NMT2: variants seen among roughly 807,000 people sequenced by gnomAD.
NMT2 encodes the protein N-myristoyltransferase 2, also known as glycylpeptide N-tetradecanoyltransferase 2.
A neutral mutation model predicts 65.4 loss-of-function variants in NMT2; 35 were observed. That is an observed-to-expected ratio of 0.54 (90% CI 0.41 to 0.71). NMT2 has a LOEUF of 0.71. Among genes scored for constraint, NMT2 ranks in the 30% least tolerant of loss-of-function variants. The probability of loss-of-function intolerance (pLI) is 0.00; values close to 1 mark genes in which losing one functional copy is unlikely to be tolerated. For synonymous variants in NMT2, 226 were observed against 231.8 expected, an observed-to-expected ratio of 0.98 and a Z score of 0.23; for missense variants, 489 against 611.3, an observed-to-expected ratio of 0.80 and a Z score of 2.11.
chr10:15,137,787 A>T (rs940908156), intron 2 of NMT2, among the ~76,000 whole-genome samples: 3 of 152,086 alleles, frequency 2.0e-5, no homozygotes, highest in Non-Finnish European at 4.4e-5. Context: ...GTAATATATC[A>T]AACTCAAACT....
At chr10:15,123,399 C>T (rs369466442) in intron 8 of NMT2, among the ~76,000 whole-genome samples, 34 of 151,820 alleles carry the variant, frequency 2.2e-4, no homozygotes, top group African/African-American at 8.0e-4. Flanking sequence ...TGTGGTGGCA[C>T]GTGGCTGTAG....
At chr10:15,117,329 C>T (rs1845777615) in intron 9 of NMT2, among the ~76,000 whole-genome samples, 1 of 152,254 alleles carries the variant, frequency 6.6e-6, no homozygotes, top group South Asian at 2.1e-4. Flanking sequence ...AGAAGCAGCA[C>T]TGGAAAAAAT....
At position 15,106,663 on chromosome 10, in the gene NMT2, C is replaced by G. The variant is rs1845312934; in HGVS notation, c.*2532G>C. ...ACGGCAACCTATAGAAAGGAGAGTT[C>G]CAACTCCTTCGTAGTGACCAAGGTC... On this transcript the variant is annotated 3_prime_UTR_variant, in exon 12 of 12. Transcript: ENST00000378165. 1.0e-6 allele frequency: 1 copy of G among 985,228 alleles called. No homozygotes were observed. Among genetic ancestry groups the G allele is most frequent in the Non-Finnish European group, 1.2e-6 (1 of 829,786 alleles). 61.0% of individuals were successfully genotyped at this position (985,228 alleles called of 1,614,324 possible). A position where few individuals can be genotyped will look rare whatever the true frequency, so the allele number is the denominator to read the frequency against.
chr10:15,144,159 G>C (rs905113923), intron 1 of NMT2, among the ~76,000 whole-genome samples: 1 of 152,004 alleles, frequency 6.6e-6, no homozygotes, highest in Admixed American at 6.5e-5. Flanking sequence ...CACCATTTTT[G>C]TTTACTCTAG....
chr10:15,113,532 C>T (rs1253700151), intron 9 of NMT2, among the ~76,000 whole-genome samples: 1 of 150,252 alleles, frequency 6.7e-6, no homozygotes, highest in African/African-American at 2.5e-5. Flanking sequence ...GAAAGCTTCC[C>T]TCAGGCTGAC....
In NMT2 at chr10:15,118,319, C is replaced by G. The variant is rs141542943; in HGVS notation, c.1170+1024G>C. The stretch of plus-strand genomic sequence containing the variant: ...TTGGGAGGCCAAGGCAGGTGAATCA[C>G]CTGAGGTCAGGAGTTCAAGACCAAG... On this transcript the variant is annotated intron_variant, in intron 9 of 11. Coordinates refer to ENST00000378165, the MANE Select transcript of NMT2 (RefSeq NM_004808.3). 4.5e-4 allele frequency among the ~76,000 whole-genome samples: 69 copies of G among 152,302 alleles called. 1 individual carries two copies. The East Asian group carries it at 9.5e-3, about 21-fold the overall frequency.
intron 9 of NMT2, among the ~76,000 whole-genome samples, chr10:15,118,652 CAGATTGATG>C (rs1176832098): frequency 1.3e-5 from 2 of 149,674 alleles, no homozygotes; most frequent in African/African-American, 4.9e-5. Context: ...ACATGGCTAA[CAGATTGATG>C]AGATACTCAA....
At chr10:15,140,505 CT>C (rs1479333058) in intron 2 of NMT2, among the ~76,000 whole-genome samples, 2 of 151,916 alleles carry the variant, frequency 1.3e-5, no homozygotes, top group African/African-American at 4.8e-5. Context: ...CCTTTTCTTT[CT>C]TTTCTTTCTT....
intron 6 of NMT2, among the ~76,000 whole-genome samples, chr10:15,130,703 C>CAAAAAAAAAAAAAAAAAAAAAAAAAAA (rs974360507): frequency 7.0e-5 from 2 of 28,636 alleles, no homozygotes; most frequent in Non-Finnish European, 1.3e-4. Flanking sequence ...GGCCCTGTCT[C>CAAAAAAAAAAAAAAAAAAAAAAAAAAA]AAAAAAAAAA....
At chr10:15,129,688 C>T (rs1846207055) in intron 7 of NMT2, among the ~76,000 whole-genome samples, 1 of 151,788 alleles carries the variant, frequency 6.6e-6, no homozygotes, top group Non-Finnish European at 1.5e-5. Context: ...AGTATAGATC[C>T]ACACGAGGTC....
intron 1 of NMT2, among the ~76,000 whole-genome samples, 170 bp from the exon 2 acceptor site, chr10:15,141,727 A>C (rs1564579533): frequency 6.6e-6 from 1 of 152,234 alleles, no homozygotes; most frequent in Non-Finnish European, 1.5e-5. Context: ...AGACGGTAAC[A>C]GGCAATGCAG....
At chr10:15,137,583 T>A (rs1414897636) in intron 2 of NMT2, among the ~76,000 whole-genome samples, 2 of 152,156 alleles carry the variant, frequency 1.3e-5, no homozygotes, top group East Asian at 3.8e-4. Context: ...TAAATAGGAA[T>A]TGAGATCACA....
At chr10:15,149,816 T>A (rs182925746) in intron 1 of NMT2, among the ~76,000 whole-genome samples, 88 of 149,612 alleles carry the variant, frequency 5.9e-4, no homozygotes, top group African/African-American at 2.0e-3. Flanking sequence ...AATGGCAGAA[T>A]CAGGACTTGA....
Position 15,108,049 on chromosome 10 carries a change from G to A in NMT2, c.*1146C>T, listed in dbSNP as rs954637914. ...CAAACTATCAATGCCCTGATAGCAC[G>A]AATAAGTTCCACCAGGCATCTCTTT... On this transcript the variant is annotated 3_prime_UTR_variant, in exon 12 of 12. Transcript: ENST00000378165. 12 of 985,602 alleles carry A rather than the reference G, an allele frequency of 1.2e-5. No individual in the cohort carries two copies. The South Asian group carries it at 2.8e-4, about 23-fold the overall frequency. 61.1% of individuals were successfully genotyped at this position (985,602 alleles called of 1,614,324 possible).
intron 9 of NMT2, among the ~76,000 whole-genome samples, chr10:15,118,888 T>TA (rs1272317120): frequency 2.0e-5 from 3 of 152,210 alleles, no homozygotes; most frequent in African/African-American, 7.2e-5. Context: ...GCTCTAATGA[T>TA]ATGCCCTGGA....
chr10:15,125,107 C>T (rs7099043), intron 8 of NMT2, among the ~76,000 whole-genome samples: 2,502 of 152,290 alleles, frequency 0.016, 73 homozygotes, highest in African/African-American at 0.057. Context: ...AACACATCCT[C>T]GCCTAAGTGC....
Position 15,119,393 on chromosome 10 carries a change from C to G in NMT2, c.1120G>C (p.Ala374Pro). 2 of 1,614,192 alleles carry G rather than the reference C, an allele frequency of 1.2e-6. No individual in the cohort carries two copies. The highest frequency in any genetic ancestry group is 1.7e-6 in the Non-Finnish European group (2 of 1,180,040). ...TGCTCCCGGGGGAGGAACCAGTGGG[C>G]TACTTCCTCTTCATCCATCACTGGA... ...LAPVMDEEEVAHWFLPREHII... is the reference protein window; with the variant it reads ...LAPVMDEEEVPHWFLPREHII... The change falls in exon 9 of 12, where the codon GCC becomes CCC. Residue 374 changes from alanine (A) to proline (P), a missense_variant. Transcript: ENST00000378165.
At chr10:15,127,214 A>G (rs1320325549) in intron 8 of NMT2, among the ~76,000 whole-genome samples, 20 of 144,286 alleles carry the variant, frequency 1.4e-4, no homozygotes, top group South Asian at 2.2e-4. Context: ...CAGCCTGGGT[A>G]ACAGAGCGAG....
intron 9 of NMT2, 121 bp downstream of exon 9, chr10:15,119,222 G>A: frequency 1.2e-6 from 1 of 864,098 alleles, no homozygotes. Flanking sequence ...CTACCCTTTA[G>A]TACACATCTT....
Sources: allele counts gnomAD v4.1 joint callset (sites outside exome capture counted in the v4.1 genomes callset), GRCh38; gene constraint gnomAD v4.1.1; transcripts MANE v1.5; gene names NCBI Gene and HGNC (gene_info 2026-07-23, HGNC 2026-07-21).